Variants in WDR81 observed in about 807,000 individuals in gnomAD.
WDR81 encodes the protein WD repeat domain 81.
A neutral mutation model predicts 140.8 loss-of-function variants in WDR81; 92 were observed. That is an observed-to-expected ratio of 0.65 (90% CI 0.55 to 0.78). WDR81 has a LOEUF of 0.78. WDR81 is among the 30% of genes least tolerant of loss of function. The pLI is 0.00. For missense variants in WDR81, 2,502 were observed against 2,636.4 expected (o/e 0.95, Z 1.12); for synonymous variants, 1,183 against 1,156.4 (o/e 1.02, Z -0.47).
chr17:1,716,600 C>T, exon 1 of WDR81: 2 of 1,551,488 alleles, frequency 1.3e-6, no homozygotes, highest in Non-Finnish European at 1.7e-6. Context: ...AGTTCTCAGC[C>T]TGACACCGTC....
intron 1 of WDR81, among the ~76,000 whole-genome samples, chr17:1,729,022 G>T (rs1915506009): frequency 1.3e-5 from 2 of 152,194 alleles, no homozygotes; most frequent in South Asian, 4.1e-4. Flanking sequence ...CCTACTCTGT[G>T]CCAAGCAGTG....
At chr17:1,729,604 A>G (rs1057029764) in intron 1 of WDR81, among the ~76,000 whole-genome samples, 3 of 152,156 alleles carry the variant, frequency 2.0e-5, no homozygotes, top group African/African-American at 7.2e-5. Flanking sequence ...ATGGGCAAAA[A>G]GAAAGTCTGA....
chr17:1,719,803 G>A (rs1159702051), upstream of WDR81, among the ~76,000 whole-genome samples: 2 of 152,018 alleles, frequency 1.3e-5, no homozygotes, highest in Non-Finnish European at 2.9e-5. Context: ...AGGAGTTCGA[G>A]ACCAGCCTGG....
At position 1,728,419 on chromosome 17, in the gene WDR81, G is replaced by A; in HGVS notation, c.3460G>A (p.Glu1154Lys). ...QDLKQSEGSE[E>K]EEEEEDSCVV... ...CTTGAAGCAAAGCGAGGGCTCCGAGGAGGAAGAGGAGGAGGAGGACAGCTG... is the reference window on the plus strand; with the variant it reads ...CTTGAAGCAAAGCGAGGGCTCCGAGAAGGAAGAGGAGGAGGAGGACAGCTG... Residue 1154 changes from glutamate to lysine, a missense_variant, in exon 1 of 10, where the codon GAG becomes AAG. Around this residue, in one of 3 missense-constraint regions of WDR81, gnomAD observed 1,737 missense variants for 1,843.0 expected, o/e 0.94. Transcript: ENST00000409644. 1.9e-6 allele frequency: 3 copies of A among 1,612,712 alleles called. No individual in the cohort carries two copies. Among genetic ancestry groups the A allele is most frequent in the Non-Finnish European group, 2.5e-6 (3 of 1,179,658 alleles).
upstream of WDR81, among the ~76,000 whole-genome samples, chr17:1,723,452 T>A (rs1914992996): frequency 8.1e-6 from 1 of 122,922 alleles, no homozygotes; most frequent in African/African-American, 3.3e-5. Context: ...TTTTTATTTA[T>A]TTATTTTTAT....
Position 1,735,832 on chromosome 17 carries a change from C to T in WDR81, c.5325+115C>T, listed in dbSNP as rs1037871116. 1 of 1,432,354 alleles carries T rather than the reference C, an allele frequency of 7.0e-7. No individual in the cohort carries two copies. The highest frequency in any genetic ancestry group is 1.4e-5 in the South Asian group (1 of 71,534). The allele number at this position is 1,432,354 out of a possible 1,614,324, so 88.7% of individuals were successfully genotyped here. On this transcript the variant is annotated intron_variant, in intron 8 of 9. Coordinates refer to ENST00000409644, the MANE Select transcript of WDR81 (RefSeq NM_001163809.2). This position sits in a 1 kb window ranked among gnomAD's most constrained non-coding sequence, Gnocchi z 4.2. ...GTTGTTCTGGGGCCCTAGTTAGTTTCTCTTTGGTGCTAGATCACCCACAGC... is the reference window on the plus strand; with the variant it reads ...GTTGTTCTGGGGCCCTAGTTAGTTTTTCTTTGGTGCTAGATCACCCACAGC...
Position 1,727,200 on chromosome 17 carries a change from C to A in WDR81, c.2241C>A (p.Gly747=). 1 of 1,549,832 alleles carries A rather than the reference C, an allele frequency of 6.5e-7. No homozygotes were observed. The highest frequency in any genetic ancestry group is 8.7e-7 in the Non-Finnish European group (1 of 1,146,572). ...ACTTCTTGGCCAAAGGCCTAGGGGGCCTGTTGGAGGTGCCTGAGCAGCCCC... is the reference window on the plus strand; with the variant it reads ...ACTTCTTGGCCAAAGGCCTAGGGGGACTGTTGGAGGTGCCTGAGCAGCCCC... ...TGNFLAKGLG[G]LLEVPEQPRV... Residue 747 remains glycine, a synonymous_variant, in exon 1 of 10, where the codon GGC becomes GGA. Coordinates refer to ENST00000409644, the MANE Select transcript of WDR81 (RefSeq NM_001163809.2).
At chr17:1,723,892 C>A (rs1011603886), upstream of WDR81, among the ~76,000 whole-genome samples, 1 of 152,200 alleles carries the variant, frequency 6.6e-6, no homozygotes, top group Non-Finnish European at 1.5e-5. Context: ...GGCGGACAAG[C>A]CTCTCTGGCG....
rs551213526 is a variant in WDR81 at position 1,716,785 on chromosome 17, A to G, written c.-124+152A>G. On this transcript the variant is annotated intron_variant, in intron 1 of 10. Coordinates refer to the WDR81 transcript ENST00000309182. Reference sequence around the variant, plus strand: ...TGCGGGACGCTATAGCTCTTTAAGGAAAGGTGGAGCGGACCAAGGAGCAGG... The same window carrying G: ...TGCGGGACGCTATAGCTCTTTAAGGGAAGGTGGAGCGGACCAAGGAGCAGG... The G allele has an allele frequency of 6.1e-4, 543 of 890,392 alleles. 1 individual carries two copies. In the African/African-American group the frequency reaches 8.1e-3, roughly 13 times the overall value. The allele number at this position is 890,392 out of a possible 1,614,324, so 55.2% of individuals were successfully genotyped here. A position where few individuals can be genotyped will look rare whatever the true frequency, so the allele number is the denominator to read the frequency against.
Position 1,736,164 on chromosome 17 carries a change from A to G in WDR81, c.5451A>G (p.Thr1817=), listed in dbSNP as rs11549259. The change falls in exon 9 of 10, where the codon ACA becomes ACG. Residue 1817 remains threonine, a synonymous_variant. Coordinates refer to ENST00000409644, the MANE Select transcript of WDR81 (RefSeq NM_001163809.2). ...SGFMVLLDTR[T]GLVLRGWPAH... ...TCATGGTGCTCCTGGACACCCGCAC[A>G]GGCCTGGTTCTGCGAGGCTGGCCAG... 1,175,500 of 1,600,390 alleles carry G rather than the reference A, an allele frequency of 0.73. 432,819 individuals carry two copies. Among genetic ancestry groups the G allele is most frequent in the East Asian group, 0.86 (38,444 of 44,852 alleles).
Position 1,734,110 on chromosome 17 carries a change from C to T in WDR81, c.5073C>T (p.Leu1691=), listed in dbSNP as rs753961222. The T allele has an allele frequency of 1.6e-5, 24 of 1,522,732 alleles. No homozygotes were observed. Among genetic ancestry groups the T allele is most frequent in the Admixed American group, 1.3e-4 (7 of 54,368 alleles). The allele number at this position is 1,522,732 out of a possible 1,614,324, so 94.3% of individuals were successfully genotyped here. A position where few individuals can be genotyped will look rare whatever the true frequency, so the allele number is the denominator to read the frequency against. The part of the protein sequence containing the change: ...GDGTSETAPR[L]VYTQHRKSVF... ...GGACCAGCGAGACGGCCCCACGCCTCGTCTACACCCAGCACCGCAAGAGCG... is the reference window on the plus strand; with the variant it reads ...GGACCAGCGAGACGGCCCCACGCCTTGTCTACACCCAGCACCGCAAGAGCG... The change falls in exon 7 of 10, where the codon CTC becomes CTT. Residue 1691 remains leucine, a synonymous_variant. Transcript: ENST00000409644.
Position 1,731,132 on chromosome 17 carries a change from C to T in WDR81, c.4031C>T (p.Ala1344Val). ...AGCCGTAAGGAGGCGGGGCTGCTGGCCGCGGTGACGCTGACTCAGAAGATC... is the reference window on the plus strand; with the variant it reads ...AGCCGTAAGGAGGCGGGGCTGCTGGTCGCGGTGACGCTGACTCAGAAGATC... Reference protein sequence around the residue: ...LNSRKEAGLLAAVTLTQKIIV... With the variant: ...LNSRKEAGLLVAVTLTQKIIV... The change falls in exon 4 of 10, where the codon GCC (alanine) becomes GTC (valine). Residue 1344 changes from alanine (A) to valine (V), a missense_variant. This residue lies in a region of WDR81 where 1,737 missense variants were observed against 1,843.0 expected (regional missense o/e 0.94). Transcript: ENST00000409644. 2 of 1,613,292 alleles carry T rather than the reference C, an allele frequency of 1.2e-6. No individual in the cohort carries two copies. The highest frequency in any genetic ancestry group is 1.7e-6 in the Non-Finnish European group (2 of 1,180,006).
chr17:1,727,782 G>T lies in WDR81; in HGVS notation c.2823G>T (p.Thr941=). The change falls in exon 1 of 10, where the codon ACG becomes ACT. Residue 941 remains threonine (T), a synonymous_variant. Coordinates refer to ENST00000409644, the MANE Select transcript of WDR81 (RefSeq NM_001163809.2). ...LMSEEHTAVY[T]AWYLFEPVAK... Reference sequence around the variant, plus strand: ...CCGAGGAGCACACAGCTGTGTACACGGCCTGGTATCTGTTTGAGCCTGTTG... The same window carrying T: ...CCGAGGAGCACACAGCTGTGTACACTGCCTGGTATCTGTTTGAGCCTGTTG... The T allele has an allele frequency of 6.4e-7, 1 of 1,550,700 alleles. No homozygotes were observed. The highest frequency in any genetic ancestry group is 8.7e-7 in the Non-Finnish European group (1 of 1,146,996).
At chr17:1,734,245 C>A in intron 7 of WDR81, 29 bp downstream of exon 7, 2 of 1,519,520 alleles carry the variant, frequency 1.3e-6, no homozygotes, top group Non-Finnish European at 1.8e-6. Context: ...GGCCTGTTCT[C>A]TTCCTGCTCC....
upstream of WDR81, among the ~76,000 whole-genome samples, chr17:1,723,184 G>C (rs58360980): frequency 6.6e-6 from 1 of 151,974 alleles, no homozygotes; most frequent in African/African-American, 2.4e-5. Context: ...CTTTGGTGCC[G>C]GCTGTCTGGT....
chr17:1,723,043 A>C (rs1254872680), upstream of WDR81, among the ~76,000 whole-genome samples: 1 of 152,198 alleles, frequency 6.6e-6, no homozygotes, highest in African/African-American at 2.4e-5. Flanking sequence ...CCTGTACACC[A>C]AACTCCTTCA....
Position 1,725,850 on chromosome 17 carries a change from C to T in WDR81, c.891C>T (p.Ser297=), listed in dbSNP as rs1016250138. Residue 297 remains serine (S), a synonymous_variant, in exon 1 of 10, where the codon AGC becomes AGT. Transcript: ENST00000409644. ...TCGCAGTGGATGAGAAGCTTTGCAG[C>T]GAGCTGCGACTGGACCTGAGTGCTT... ...YHIAVDEKLC[S]ELRLDLSAYE... 4.5e-6 allele frequency: 7 copies of T among 1,550,468 alleles called. No individual in the cohort carries two copies. The highest frequency in any genetic ancestry group is 4.1e-5 in the African/African-American group (3 of 73,042).
Position 1,727,831 on chromosome 17 carries a change from G to A in WDR81, c.2872G>A (p.Ala958Thr), listed in dbSNP as rs1915394602. ...PVAKALGPKN[A>T]NKYLLKPLIG... ...TGCCAAGGCACTGGGCCCCAAAAAT[G>A]CCAATAAGTACCTCCTGAAGCCGCT... Residue 958 changes from alanine (A) to threonine (T), a missense_variant, in exon 1 of 10, where the codon GCC becomes ACC. Coordinates refer to ENST00000409644, the MANE Select transcript of WDR81 (RefSeq NM_001163809.2). 4 of 1,550,546 alleles carry A rather than the reference G, an allele frequency of 2.6e-6. No homozygotes were observed. The highest frequency in any genetic ancestry group is 2.6e-6 in the Non-Finnish European group (3 of 1,147,052).
At position 1,730,767 on chromosome 17, in the gene WDR81, A is replaced by C; in HGVS notation, c.3788A>C (p.Gln1263Pro). ...CCTTCCGTGGCAGGACCCACTCGGC[A>C]GCAGTTCACAGTGAGCAGTGGCGAG... is the stretch of plus-strand genomic sequence containing the variant. Reference protein sequence around the residue: ...LTSCYVGPTRQQFTVSSGESP... With the variant: ...LTSCYVGPTRPQFTVSSGESP... Residue 1263 changes from glutamine to proline, a missense_variant, in exon 3 of 10, where the codon CAG becomes CCG. By Grantham distance (76) the Gln-to-Pro change is moderately conservative. Around this residue, in one of 3 missense-constraint regions of WDR81, gnomAD observed 1,737 missense variants for 1,843.0 expected, o/e 0.94. Coordinates refer to ENST00000409644, the MANE Select transcript of WDR81 (RefSeq NM_001163809.2). The C allele has an allele frequency of 7.5e-6, 12 of 1,610,124 alleles. No homozygotes were observed. The highest frequency in any genetic ancestry group is 1.0e-5 in the Non-Finnish European group (12 of 1,178,712).
Sources: allele counts gnomAD v4.1 joint callset (sites outside exome capture counted in the v4.1 genomes callset), GRCh38; gene constraint gnomAD v4.1.1; regional missense constraint gnomAD v4.1.1; non-coding constraint Gnocchi (gnomAD v3.1); transcripts MANE v1.5; gene names NCBI Gene and HGNC (gene_info 2026-07-23, HGNC 2026-07-21).